Variants in DISP1 observed in about 807,000 individuals in gnomAD.
DISP1 encodes dispatched RND transporter family member 1.
DISP1 carries 30 observed loss-of-function variants against 37.3 expected under a neutral mutation model. That is an observed-to-expected ratio of 0.80 (90% confidence interval 0.60 to 1.09). The LOEUF (loss-of-function observed/expected upper bound fraction) is 1.09. DISP1 is among the 50% of genes least tolerant of loss of function. The probability of loss-of-function intolerance (pLI) is 0.00; values close to 1 mark genes in which losing one functional copy is unlikely to be tolerated. For synonymous variants in DISP1, 634 were observed against 690.2 expected (o/e 0.92, Z 1.28); for missense variants, 1,598 against 1,879.5 (o/e 0.85, Z 2.77).
At chr1:222,975,085 G>A (rs1677215499) in intron 3 of DISP1, among the ~76,000 whole-genome samples, 1 of 152,038 alleles carries the variant, frequency 6.6e-6, no homozygotes, top group Non-Finnish European at 1.5e-5. Flanking sequence ...TTTCTTCATG[G>A]TGCAATCTTG....
At chr1:222,868,760 T>A (rs1572382528) in intron 1 of DISP1, among the ~76,000 whole-genome samples, 1 of 152,130 alleles carries the variant, frequency 6.6e-6, no homozygotes. Flanking sequence ...ATAACATATG[T>A]ACAGAAAGGA....
intron 8 of DISP1, among the ~76,000 whole-genome samples, chr1:222,998,144 T>C (rs1172453396): frequency 6.6e-6 from 1 of 151,928 alleles, no homozygotes; most frequent in Non-Finnish European, 1.5e-5. Context: ...TGTACCTTTT[T>C]TTAGTCTCCC....
chr1:222,838,981 A>C (rs966442828), intron 1 of DISP1, among the ~76,000 whole-genome samples: 1 of 152,208 alleles, frequency 6.6e-6, no homozygotes, highest in African/African-American at 2.4e-5. Context: ...TTGTTCCTCA[A>C]ACATTTAGCT....
intron 1 of DISP1, among the ~76,000 whole-genome samples, chr1:222,861,580 A>G (rs545690119): frequency 1.3e-5 from 2 of 152,248 alleles, no homozygotes; most frequent in African/African-American, 4.8e-5. Context: ...TCTTCTCTGA[A>G]ACCCTCTTTT....
chr1:222,942,722 A>G, intron 2 of DISP1, 85 bp from the exon 3 acceptor site: 1 of 1,491,362 alleles, frequency 6.7e-7, no homozygotes, highest in South Asian at 1.2e-5. Flanking sequence ...ATTTTCAATG[A>G]GCTGTTTTTA....
intron 5 of DISP1, among the ~76,000 whole-genome samples, chr1:222,991,033 T>C (rs530032714): frequency 6.6e-6 from 1 of 152,324 alleles, no homozygotes; most frequent in African/African-American, 2.4e-5. Context: ...ATTATTCTCA[T>C]AAAGTCTTTA....
intron 1 of DISP1, among the ~76,000 whole-genome samples, chr1:222,823,319 G>GTAC (rs1460849006): frequency 2.0e-5 from 3 of 152,044 alleles, no homozygotes; most frequent in Non-Finnish European, 4.4e-5. Flanking sequence ...AAAATGTGGT[G>GTAC]TACACACAAC....
intron 3 of DISP1, among the ~76,000 whole-genome samples, chr1:222,955,959 G>A (rs1675563221): frequency 6.6e-6 from 1 of 152,188 alleles, no homozygotes; most frequent in African/African-American, 2.4e-5. Context: ...CATTTGAATG[G>A]TACAGGGTTG....
At chr1:222,838,207 A>G (rs1460610473) in intron 1 of DISP1, among the ~76,000 whole-genome samples, 3 of 152,098 alleles carry the variant, frequency 2.0e-5, no homozygotes, top group Non-Finnish European at 2.9e-5. Flanking sequence ...TCATTGTTAT[A>G]ATTATGTATT....
intron 2 of DISP1, among the ~76,000 whole-genome samples, chr1:222,928,980 G>C (rs1243812263): frequency 6.6e-6 from 1 of 152,134 alleles, no homozygotes; most frequent in African/African-American, 2.4e-5. Flanking sequence ...ATGTAGAGTT[G>C]TAGGAATCAC....
At chr1:223,000,005 T>A (rs1404487778) in intron 8 of DISP1, among the ~76,000 whole-genome samples, 1 of 152,214 alleles carries the variant, frequency 6.6e-6, no homozygotes, top group South Asian at 2.1e-4. Flanking sequence ...AACCGCTTAA[T>A]CTTTGGTCAA....
intron 1 of DISP1, among the ~76,000 whole-genome samples, chr1:222,926,797 A>G (rs1269957529): frequency 5.3e-5 from 8 of 152,126 alleles, no homozygotes; most frequent in African/African-American, 1.9e-4. Context: ...AACTCACCAA[A>G]AAAAAAGCAC....
chr1:222,983,073 T>C lies in DISP1; in HGVS notation c.510-7T>C. 1 of 1,596,206 alleles carries C rather than the reference T, an allele frequency of 6.3e-7. No individual in the cohort carries two copies. The highest frequency in any genetic ancestry group is 1.8e-5 in the Admixed American group (1 of 56,726). On this transcript the variant is annotated splice_polypyrimidine_tract_variant and splice_region_variant and intron_variant, in intron 3 of 8. Transcript: ENST00000675850. ...GATCATTTTTCCTTTGCTTTTTTTT[T>C]TTTCAGACCATCCAGACCTTTCAAG...
intron 3 of DISP1, among the ~76,000 whole-genome samples, chr1:222,957,423 T>C (rs1675688984): frequency 6.6e-6 from 1 of 152,038 alleles, no homozygotes; most frequent in African/African-American, 2.4e-5. Context: ...ATCCCGTCTC[T>C]ACTAAAAATA....
chr1:222,876,005 A>G (rs1236693371), intron 1 of DISP1, among the ~76,000 whole-genome samples: 5 of 151,876 alleles, frequency 3.3e-5, no homozygotes, highest in Admixed American at 2.0e-4. Flanking sequence ...ACAAACAGCC[A>G]GGGAAATTCT....
intron 1 of DISP1, among the ~76,000 whole-genome samples, chr1:222,910,382 A>G (rs1672144863): frequency 6.6e-6 from 1 of 152,042 alleles, no homozygotes; most frequent in African/African-American, 2.4e-5. Context: ...AACAAACGAA[A>G]AGGGATGAGG....
intron 1 of DISP1, among the ~76,000 whole-genome samples, chr1:222,911,759 T>G (rs920443319): frequency 6.6e-6 from 1 of 152,078 alleles, no homozygotes; most frequent in Non-Finnish European, 1.5e-5. Context: ...TTCCAACTCA[T>G]GGCCTCAAGT....
At chr1:222,968,818 A>G (rs1676695710) in intron 3 of DISP1, among the ~76,000 whole-genome samples, 1 of 151,994 alleles carries the variant, frequency 6.6e-6, no homozygotes, top group South Asian at 2.1e-4. Context: ...CTGTAATCCC[A>G]GCTACTTGGG....
At chr1:222,922,453 A>T (rs981950165) in intron 1 of DISP1, among the ~76,000 whole-genome samples, 2 of 152,154 alleles carry the variant, frequency 1.3e-5, no homozygotes, top group African/African-American at 4.8e-5. Flanking sequence ...AGGACTTGGG[A>T]ATGAATGAAC....
Sources: gnomAD v4.1 joint callset for allele counts (sites outside exome capture counted in the v4.1 genomes callset) on GRCh38, gnomAD v4.1.1 for gene constraint, MANE v1.5 for transcripts, NCBI Gene and HGNC (gene_info 2026-07-23, HGNC 2026-07-21) for gene names.